The following MGAT4C variants were observed in gnomAD, a reference collection of about 807,000 sequenced individuals.
MGAT4C encodes MGAT4 family member C, also known as alpha-1,3-mannosyl-glycoprotein 4-beta-N-acetylglucosaminyltransferase C.
A neutral mutation model predicts 40.1 loss-of-function variants in MGAT4C; 19 were observed. That is an observed-to-expected ratio of 0.47 (90% CI 0.33 to 0.70). The LOEUF (loss-of-function observed/expected upper bound fraction) is 0.70. MGAT4C is among the 30% of genes least tolerant of loss of function. The probability of loss-of-function intolerance (pLI) is 0.02; values close to 1 mark genes in which losing one functional copy is unlikely to be tolerated. For missense variants in MGAT4C, 491 were observed against 563.2 expected (o/e 0.87, Z 1.30); for synonymous variants, 181 against 187.1 (o/e 0.97, Z 0.27).
intron 1 of MGAT4C, among the ~76,000 whole-genome samples, chr12:86,104,481 A>G (rs1336847044): frequency 6.6e-6 from 1 of 152,054 alleles, no homozygotes; most frequent in Non-Finnish European, 1.5e-5. Context: ...TTGTCTCGTA[A>G]TATTTAATAT....
chr12:86,667,053 T>C (rs1439462765), intron 2 of MGAT4C, among the ~76,000 whole-genome samples: 1 of 152,226 alleles, frequency 6.6e-6, no homozygotes, highest in Non-Finnish European at 1.5e-5. Context: ...TCTATACCAC[T>C]GCTGCTGCCT....
intron 2 of MGAT4C, chr12:86,001,529 T>C (rs996661648): frequency 1.2e-5 from 7 of 602,170 alleles, no homozygotes; most frequent in African/African-American, 2.0e-5. Context: ...GGTTGATTGA[T>C]GGATGAGCCA....
chr12:86,610,630 A>C (rs963376877), intron 2 of MGAT4C, among the ~76,000 whole-genome samples: 1 of 151,032 alleles, frequency 6.6e-6, no homozygotes, highest in East Asian at 2.0e-4. Flanking sequence ...GTACATGTGC[A>C]CAACGTGCAG....
chr12:86,737,342 C>CTTTT lies in MGAT4C; in HGVS notation c.-261-10105_-261-10102dup, dbSNP rs36112885. Among the ~76,000 whole-genome samples, 14 of 131,184 alleles carry CTTTT rather than the reference C, an allele frequency of 1.1e-4. No individual in the cohort carries two copies. The East Asian group carries it at 1.6e-3, about 15-fold the overall frequency. 86.1% of individuals were successfully genotyped at this position (131,184 alleles called of 152,430 possible). A position where few individuals can be genotyped will look rare whatever the true frequency, so the allele number is the denominator to read the frequency against. On this transcript the variant is annotated intron_variant, in intron 1 of 7. Coordinates refer to the MGAT4C transcript ENST00000548651. ...TTGATGAGTCTAGCCAACTAAAATA[C>CTTTT]TTTTTTTTTTTTTTTTTTTAACTTG... is the stretch of plus-strand genomic sequence containing the variant.
intron 3 of MGAT4C, among the ~76,000 whole-genome samples, chr12:86,422,750 A>G (rs1322030374): frequency 2.0e-5 from 3 of 152,226 alleles, no homozygotes; most frequent in East Asian, 3.8e-4. Context: ...TGTACTGGCA[A>G]TTAGTTTCCA....
intron 1 of MGAT4C, among the ~76,000 whole-genome samples, chr12:86,181,667 A>T (rs1312434170): frequency 1.3e-5 from 2 of 152,156 alleles, no homozygotes; most frequent in Non-Finnish European, 2.9e-5. Context: ...TTTAGTATGA[A>T]TATCAGAGTC....
chr12:86,026,039 T>C (rs1021296703), intron 2 of MGAT4C, among the ~76,000 whole-genome samples: 1 of 151,872 alleles, frequency 6.6e-6, no homozygotes, highest in Non-Finnish European at 1.5e-5. Context: ...GCAGTTATGA[T>C]GGTGTATTTG....
intron 2 of MGAT4C, among the ~76,000 whole-genome samples, chr12:86,548,463 T>C (rs2136393357): frequency 6.6e-6 from 1 of 152,238 alleles, no homozygotes; most frequent in South Asian, 2.1e-4. Context: ...CTTTAGTTAA[T>C]CCCCAATTCC....
upstream of MGAT4C, among the ~76,000 whole-genome samples, chr12:86,256,608 G>T (rs1289963443): frequency 6.6e-6 from 1 of 152,024 alleles, no homozygotes; most frequent in Non-Finnish European, 1.5e-5. Context: ...TGAAAATACT[G>T]CCCTCTAATT....
intron 1 of MGAT4C, among the ~76,000 whole-genome samples, chr12:86,215,054 C>A (rs1174153775): frequency 6.6e-6 from 1 of 152,104 alleles, no homozygotes. Flanking sequence ...CTGGAAAAAC[C>A]CCACACTAGA....
intron 4 of MGAT4C, among the ~76,000 whole-genome samples, chr12:86,323,272 T>C (rs1954440147): frequency 6.6e-6 from 1 of 151,772 alleles, no homozygotes; most frequent in Non-Finnish European, 1.5e-5. Context: ...AATTAAGTGT[T>C]TAGTTAATAT....
At chr12:86,488,740 C>G (rs528971230) in intron 2 of MGAT4C, among the ~76,000 whole-genome samples, 1 of 152,200 alleles carries the variant, frequency 6.6e-6, no homozygotes, top group African/African-American at 2.4e-5. Context: ...AACAGTCCTT[C>G]TTAACATTAA....
At chr12:86,003,059 C>T (rs930469585) in intron 2 of MGAT4C, among the ~76,000 whole-genome samples, 1 of 152,050 alleles carries the variant, frequency 6.6e-6, no homozygotes, top group Non-Finnish European at 1.5e-5. Context: ...CCTTTGTCTC[C>T]CAAAGTGTCA....
At chr12:86,488,854 CA>C (rs920855517) in intron 2 of MGAT4C, among the ~76,000 whole-genome samples, 9 of 151,676 alleles carry the variant, frequency 5.9e-5, no homozygotes, top group African/African-American at 1.9e-4. Flanking sequence ...ATTTCAACAG[CA>C]AAAAAAATGT....
At chr12:86,343,927 C>T (rs377730079) in intron 3 of MGAT4C, among the ~76,000 whole-genome samples, 49 of 151,954 alleles carry the variant, frequency 3.2e-4, no homozygotes, top group African/African-American at 1.2e-3. Context: ...TGCTGTTTGG[C>T]CATTCTTTCA....
chr12:86,709,594 G>A (rs928844519), intron 2 of MGAT4C, among the ~76,000 whole-genome samples: 3 of 152,012 alleles, frequency 2.0e-5, no homozygotes, highest in Admixed American at 6.6e-5. Context: ...ATGTATGTAT[G>A]TATGTATGTT....
intron 4 of MGAT4C, among the ~76,000 whole-genome samples, chr12:86,282,333 T>C (rs1474176458): frequency 6.6e-6 from 1 of 152,102 alleles, no homozygotes; most frequent in East Asian, 1.9e-4. Flanking sequence ...AATAATTTCT[T>C]ATACAATATT....
chr12:86,217,686 TA>T (rs967091707), intron 1 of MGAT4C, among the ~76,000 whole-genome samples: 3 of 152,130 alleles, frequency 2.0e-5, no homozygotes, highest in African/African-American at 7.2e-5. Context: ...GCTTAATTTT[TA>T]AAAAATAATG....
chr12:86,182,662 CCTTT>C (rs1212590281), intron 1 of MGAT4C, among the ~76,000 whole-genome samples: 2 of 152,014 alleles, frequency 1.3e-5, no homozygotes, highest in Non-Finnish European at 2.9e-5. Context: ...TTTTGTTCTT[CCTTT>C]CTTTCTGCAT....
Sources: gnomAD v4.1 joint callset for allele counts (sites outside exome capture counted in the v4.1 genomes callset) on GRCh38, gnomAD v4.1.1 for gene constraint, MANE v1.5 for transcripts, NCBI Gene and HGNC (gene_info 2026-07-23, HGNC 2026-07-21) for gene names.